The following GJB6 variants were observed in gnomAD, a reference collection of about 807,000 sequenced individuals.
GJB6 encodes the protein gap junction beta-6 protein.
Under a neutral mutation model 5.4 loss-of-function variants are expected in GJB6, and 5 were observed. The observed-to-expected ratio is 0.92, with a 90% CI of 0.48 to 1.93. The LOEUF (loss-of-function observed/expected upper bound fraction) is 1.93. Ranked by LOEUF, GJB6 falls within the 30% of genes most tolerant of loss-of-function variation. The pLI is 0.01. For missense variants in GJB6, 298 were observed against 326.9 expected, an observed-to-expected ratio of 0.91 and a Z score of 0.68; for synonymous variants, 136 against 129.6, an observed-to-expected ratio of 1.05 and a Z score of -0.34.
intron 4 of GJB6, among the ~76,000 whole-genome samples, chr13:20,226,378 G>C (rs1210351055): frequency 6.6e-6 from 1 of 152,076 alleles, no homozygotes; most frequent in Non-Finnish European, 1.5e-5. Context: ...GGCTGTGTGA[G>C]TGTCTGCTGG....
Position 20,223,318 on chromosome 13 carries a change from T to TCCCG in GJB6, c.162_163insCGGG (p.Thr55ArgfsTer13). ...ACATTTTTGCATCCCGGTTGCAGTG[T>TCCCG]GTTGCAGACGAAGTCCTCTTGCTCG... On this transcript the variant is annotated frameshift_variant, in exon 5 of 5. Coordinates refer to ENST00000647029, the MANE Select transcript of GJB6 (RefSeq NM_001110219.3). LOFTEE classifies it high-confidence loss of function. 8 of 1,614,124 alleles carry TCCCG rather than the reference T, an allele frequency of 5.0e-6. No individual in the cohort carries two copies. Among genetic ancestry groups the TCCCG allele is most frequent in the Non-Finnish European group, 6.8e-6 (8 of 1,180,016 alleles).
At chr13:20,228,608 CT>C (rs771110112) in intron 4 of GJB6, among the ~76,000 whole-genome samples, 10 of 121,082 alleles carry the variant, frequency 8.3e-5, no homozygotes, top group South Asian at 4.8e-4. Context: ...CTCAGCCTCT[CT>C]GAGCAGCTGG....
chr13:20,231,273 G>C (rs957703625), intron 2 of GJB6, 109 bp downstream of exon 2: 2 of 152,244 alleles, frequency 1.3e-5, no homozygotes, highest in African/African-American at 2.4e-5. Flanking sequence ...ACACTAAACA[G>C]AGTGCACGCC....
In GJB6 at chr13:20,222,314, A is replaced by C. The variant is rs1869226337; in HGVS notation, c.*381T>G. ...ATACTTTATATAAATTCAAAGTCAGAACTAAAAACATCCAAGCCTATAAAA... is the reference window on the plus strand; with the variant it reads ...ATACTTTATATAAATTCAAAGTCAGCACTAAAAACATCCAAGCCTATAAAA... On this transcript the variant is annotated 3_prime_UTR_variant, in exon 5 of 5. Transcript: ENST00000647029. The C allele has an allele frequency of 5.3e-6, 1 of 189,168 alleles. No homozygotes were observed. The highest frequency in any genetic ancestry group is 1.1e-5 in the Non-Finnish European group (1 of 90,186). The allele number at this position is 189,168 out of a possible 1,614,324, so 11.7% of individuals were successfully genotyped here.
rs777031500 is a variant in GJB6 at position 20,223,169 on chromosome 13, G to A, written c.312C>T (p.Arg104=). 5 of 1,613,546 alleles carry A rather than the reference G, an allele frequency of 3.1e-6. No homozygotes were observed. The highest frequency in any genetic ancestry group is 3.4e-6 in the Non-Finnish European group (4 of 1,179,572). ...TCCTCTTCTCTCCTCGCCTGAACTTGCGAGTGGTTTCGTGCCTGTAGTAGG... is the reference window on the plus strand; with the variant it reads ...TCCTCTTCTCTCCTCGCCTGAACTTACGAGTGGTTTCGTGCCTGTAGTAGG... The part of the protein sequence containing the change: ...HVAYYRHETT[R]KFRRGEKRND... The change falls in exon 5 of 5, where the codon CGC becomes CGT. Residue 104 remains arginine (R), a synonymous_variant. Coordinates refer to ENST00000647029, the MANE Select transcript of GJB6 (RefSeq NM_001110219.3).
intron 4 of GJB6, among the ~76,000 whole-genome samples, chr13:20,229,123 CAAAAAA>C (rs5802041): frequency 4.6e-5 from 2 of 43,870 alleles, no homozygotes; most frequent in African/African-American, 9.9e-5. Flanking sequence ...TGTCATTTAG[CAAAAAA>C]AAAAAAAAAA....
At chr13:20,227,353 G>A (rs555257900) in intron 4 of GJB6, among the ~76,000 whole-genome samples, 61 of 152,260 alleles carry the variant, frequency 4.0e-4, no homozygotes, top group African/African-American at 1.2e-3. Context: ...AGGAGATGCC[G>A]AGCTTGCTGA....
Position 20,223,105 on chromosome 13 carries a change from C to CCTTCTG in GJB6, c.370_375dup (p.Gln124_Lys125dup). The stretch of plus-strand genomic sequence containing the variant: ...CACCACAGCGACCCCTCTATCCGAA[C>CCTTCTG]CTTCTGCTTTTTAATGTCCTCTATG... On this transcript the variant is annotated inframe_insertion, in exon 5 of 5. Coordinates refer to ENST00000647029, the MANE Select transcript of GJB6 (RefSeq NM_001110219.3). The CCTTCTG allele has an allele frequency of 6.2e-7, 1 of 1,613,928 alleles. No individual in the cohort carries two copies. Among genetic ancestry groups the CCTTCTG allele is most frequent in the Non-Finnish European group, 8.5e-7 (1 of 1,179,820 alleles).
chr13:20,229,313 TA>T lies in GJB6; in HGVS notation c.-16+266del, dbSNP rs1325638445. Among the ~76,000 whole-genome samples, 250 of 124,220 alleles carry T rather than the reference TA, an allele frequency of 2.0e-3. 1 individual carries two copies. The highest frequency in any genetic ancestry group is 3.8e-3 in the Middle Eastern group (1 of 266). The allele number at this position is 124,220 out of a possible 152,430, so 81.5% of individuals were successfully genotyped here. A position where few individuals can be genotyped will look rare whatever the true frequency, so the allele number is the denominator to read the frequency against. ...ACAGGCATATGCCACCATACCTGGT[TA>T]ATTTTTTTTTTTTTTTTTTTTTTTT... On this transcript the variant is annotated intron_variant, in intron 4 of 4. Transcript: ENST00000647029.
chr13:20,231,318 C>T (rs922957195), intron 2 of GJB6, 64 bp downstream of exon 2: 7 of 152,248 alleles, frequency 4.6e-5, no homozygotes, highest in African/African-American at 1.7e-4. Context: ...GGGCCAGTGT[C>T]CCCGCCTGGT....
Position 20,229,315 on chromosome 13 carries a change from ATTTTTTTTTT to A in GJB6, c.-16+255_-16+264del, listed in dbSNP as rs60451416. Among the ~76,000 whole-genome samples the A allele has an allele frequency of 8.1e-4, 45 of 55,292 alleles. 1 individual carries two copies. Among genetic ancestry groups the A allele is most frequent in the Admixed American group, 2.8e-3 (11 of 3,862 alleles). The allele number at this position is 55,292 out of a possible 152,430, so 36.3% of individuals were successfully genotyped here. On this transcript the variant is annotated intron_variant, in intron 4 of 4. Coordinates refer to ENST00000647029, the MANE Select transcript of GJB6 (RefSeq NM_001110219.3). ...AGGCATATGCCACCATACCTGGTTA[ATTTTTTTTTT>A]TTTTTTTTTTTTTTTTTTTTTAGTA...
chr13:20,229,150 A>AAAAAAAAAAAAAT (rs1869874003), intron 4 of GJB6, among the ~76,000 whole-genome samples: 1 of 62,160 alleles, frequency 1.6e-5, no homozygotes, highest in African/African-American at 8.0e-5. Flanking sequence ...AAAAAAAAAA[A>AAAAAAAAAAAAAT]TTTTTTTTTT....
intron 3 of GJB6, among the ~76,000 whole-genome samples, chr13:20,230,269 C>A (rs1157338848): frequency 6.6e-6 from 1 of 152,126 alleles, no homozygotes; most frequent in African/African-American, 2.4e-5. Context: ...TCAAAATTAA[C>A]TCAATAAAAA....
intron 4 of GJB6, among the ~76,000 whole-genome samples, chr13:20,226,598 A>G (rs1010697243): frequency 6.6e-6 from 1 of 152,180 alleles, no homozygotes; most frequent in African/African-American, 2.4e-5. Context: ...GACATAATAC[A>G]TTTTCCTAAC....
In GJB6 at chr13:20,229,641, C is replaced by T. The variant is rs1869932182; in HGVS notation, c.-77G>A. On this transcript the variant is annotated 5_prime_UTR_variant, in exon 4 of 5. Transcript: ENST00000647029. ...CCCAAAGAATGAGGGCAAGATCCCT[C>T]TGCGAGGGTTTCAGACCTCCTTCTC... 1 of 152,138 alleles carries T rather than the reference C, an allele frequency of 6.6e-6. No individual in the cohort carries two copies. 9.4% of individuals were successfully genotyped at this position (152,138 alleles called of 1,614,324 possible). A position where few individuals can be genotyped will look rare whatever the true frequency, so the allele number is the denominator to read the frequency against.
At chr13:20,231,000 T>C (rs1238182238) in intron 2 of GJB6, 193 bp from the exon 3 acceptor site, 5 of 152,180 alleles carry the variant, frequency 3.3e-5, no homozygotes, top group Admixed American at 3.3e-4. Flanking sequence ...GCCCTGGTGT[T>C]CTCTCTTCAG....
chr13:20,228,661 T>C (rs1050826436), intron 4 of GJB6, among the ~76,000 whole-genome samples: 31 of 150,982 alleles, frequency 2.1e-4, no homozygotes, highest in Non-Finnish European at 1.2e-4. Flanking sequence ...ATTTTTTGTA[T>C]TTTTAGTAGA....
At chr13:20,229,464 G>A (rs1358926714) in intron 4 of GJB6, 116 bp downstream of exon 4, 1 of 151,796 alleles carries the variant, frequency 6.6e-6, no homozygotes, top group African/African-American at 2.4e-5. Context: ...CATCTAGGGA[G>A]TAGTTGATAG....
intron 4 of GJB6, among the ~76,000 whole-genome samples, chr13:20,229,266 A>AGCCTCC (rs1280396140): frequency 7.0e-6 from 1 of 142,478 alleles, no homozygotes; most frequent in Admixed American, 7.2e-5. Context: ...CTTGTGCTTC[A>AGCCTCC]GCCTCCTGAA....
Sources: gnomAD v4.1 joint callset for allele counts (sites outside exome capture counted in the v4.1 genomes callset) on GRCh38, gnomAD v4.1.1 for gene constraint, MANE v1.5 for transcripts, NCBI Gene and HGNC (gene_info 2026-07-23, HGNC 2026-07-21) for gene names.